Variants in REDIC1 observed in about 807,000 individuals in gnomAD.
The protein encoded by REDIC1 is HEI10 Interacting Protein 1.
chr12:39,682,997 G>A, the REDIC1 span: 1 of 1,613,290 alleles, frequency 6.2e-7, no homozygotes, highest in Non-Finnish European at 8.5e-7. Flanking sequence ...TTGACTTTTA[G>A]TAATTCGACT....
chr12:39,762,328 C>CTT, the REDIC1 span, among the ~76,000 whole-genome samples: 1 of 152,048 alleles, frequency 6.6e-6, no homozygotes, highest in Non-Finnish European at 1.5e-5. Context: ...TATTCCTCAC[C>CTT]TTTATTCTTC....
chr12:39,812,878 AG>A, the REDIC1 span, among the ~76,000 whole-genome samples: 1 of 139,736 alleles, frequency 7.2e-6, no homozygotes, highest in Admixed American at 7.4e-5. Flanking sequence ...TCTGTCACCC[AG>A]GCTGGAGTGT....
At chr12:39,653,577 TTCCTCTTCTTCTTCC>T in the REDIC1 span, among the ~76,000 whole-genome samples, 1 of 59,598 alleles carries the variant, frequency 1.7e-5, no homozygotes, top group Non-Finnish European at 3.7e-5. Context: ...CTTCTTTTTC[TTCCTCTTCTTCTTCC>T]TCTTCTTCTT....
chr12:39,663,650 G>C, the REDIC1 span, among the ~76,000 whole-genome samples: 2 of 151,894 alleles, frequency 1.3e-5, no homozygotes, highest in African/African-American at 4.8e-5. Context: ...TATTTCTTTT[G>C]TTATTTCTCT....
chr12:39,829,970 TATGCTGCA>T, the REDIC1 span: 1 of 1,090,104 alleles, frequency 9.2e-7, no homozygotes, highest in East Asian at 2.6e-5. Context: ...ATCACCAGTA[TATGCTGCA>T]AAGTAATGTA....
chr12:39,759,529 T>C, the REDIC1 span: 1 of 152,964 alleles, frequency 6.5e-6, no homozygotes, highest in Admixed American at 6.6e-5. Context: ...TTACATGGAA[T>C]TTAGTTTGTA....
the REDIC1 span, among the ~76,000 whole-genome samples, chr12:39,686,573 G>A: frequency 6.6e-6 from 1 of 152,220 alleles, no homozygotes; most frequent in Non-Finnish European, 1.5e-5. Context: ...AGGCCTTCAG[G>A]CATGTGATAG....
At chr12:39,853,664 C>T in the REDIC1 span, among the ~76,000 whole-genome samples, 5 of 149,680 alleles carry the variant, frequency 3.3e-5, no homozygotes, top group East Asian at 9.9e-4. Flanking sequence ...AGTCAGACTG[C>T]TACAGCCTGG....
the REDIC1 span, among the ~76,000 whole-genome samples, chr12:39,719,310 TAAG>T: frequency 6.6e-6 from 1 of 152,124 alleles, no homozygotes; most frequent in African/African-American, 2.4e-5. Context: ...CACATTATAA[TAAG>T]TATTTATGAA....
the REDIC1 span, among the ~76,000 whole-genome samples, chr12:39,814,009 A>G: frequency 6.6e-6 from 1 of 152,208 alleles, no homozygotes; most frequent in Non-Finnish European, 1.5e-5. Flanking sequence ...TACTTCATCT[A>G]TATTGTATTG....
At chr12:39,705,662 C>G in the REDIC1 span, among the ~76,000 whole-genome samples, 1 of 152,010 alleles carries the variant, frequency 6.6e-6, no homozygotes, top group Non-Finnish European at 1.5e-5. Flanking sequence ...TCAAGATACA[C>G]AAATCAATCA....
chr12:39,639,827 GAC>G, the REDIC1 span, among the ~76,000 whole-genome samples: 17 of 151,914 alleles, frequency 1.1e-4, no homozygotes, highest in African/African-American at 2.7e-4. Flanking sequence ...ATACAGTTAA[GAC>G]ACAGTGTCAT....
the REDIC1 span, among the ~76,000 whole-genome samples, chr12:39,903,559 A>G: frequency 6.6e-6 from 1 of 152,062 alleles, no homozygotes; most frequent in Admixed American, 6.6e-5. Flanking sequence ...TATGTGGTAC[A>G]GAGGTAGGTA....
At chr12:39,728,992 G>T in the REDIC1 span, among the ~76,000 whole-genome samples, 357 of 151,722 alleles carry the variant, frequency 2.4e-3, 1 homozygote, top group African/African-American at 8.1e-3. Context: ...TATTTCTGTG[G>T]GATCAGTGGT....
chr12:39,798,999 T>G, the REDIC1 span, among the ~76,000 whole-genome samples: 1 of 150,580 alleles, frequency 6.6e-6, no homozygotes, highest in Non-Finnish European at 1.5e-5. Context: ...TTTTGAACAA[T>G]CCTACCATCT....
chr12:39,746,586 C>T, the REDIC1 span, among the ~76,000 whole-genome samples: 1 of 152,176 alleles, frequency 6.6e-6, no homozygotes, highest in African/African-American at 2.4e-5. Context: ...TAGTGGTTTT[C>T]CCAGCAGAGA....
At chr12:39,695,454 T>C in the REDIC1 span, among the ~76,000 whole-genome samples, 25 of 152,130 alleles carry the variant, frequency 1.6e-4, no homozygotes, top group Non-Finnish European at 3.5e-4. Flanking sequence ...ACATCACTGG[T>C]ACGCTGGCAG....
chr12:39,691,044 G>A, the REDIC1 span, among the ~76,000 whole-genome samples: 1 of 152,220 alleles, frequency 6.6e-6, no homozygotes, highest in East Asian at 1.9e-4. Context: ...GGTTAGGGAA[G>A]GGGCTCTGCT....
At chr12:39,895,008 G>A in the REDIC1 span, among the ~76,000 whole-genome samples, 269 of 152,226 alleles carry the variant, frequency 1.8e-3, no homozygotes, top group Non-Finnish European at 2.8e-3. Flanking sequence ...TCCTGCAAGG[G>A]AAGAGATAGA....
Sources: allele counts gnomAD v4.1 joint callset (sites outside exome capture counted in the v4.1 genomes callset), GRCh38; gene constraint gnomAD v4.1.1; transcripts MANE v1.5; gene names NCBI Gene and HGNC (gene_info 2026-07-23, HGNC 2026-07-21).